Variants in RCOR3 observed in about 807,000 individuals in gnomAD.
RCOR3 encodes REST corepressor 3.
In RCOR3, 13 loss-of-function variants were observed where a neutral mutation model predicts 64.1. That is an observed-to-expected ratio of 0.20 (90% CI 0.13 to 0.32). RCOR3 has a LOEUF of 0.32. Among genes scored for constraint, RCOR3 ranks in the 10% least tolerant of loss-of-function variants. The pLI, the probability that RCOR3 is intolerant of heterozygous loss-of-function variation, is 1.00. For synonymous variants in RCOR3, 215 were observed against 239.0 expected (o/e 0.90, Z 0.93); for missense variants, 489 against 701.2 (o/e 0.70, Z 3.42).
At chr1:211,274,379 T>A in intron 4 of RCOR3, 117 bp downstream of exon 4, 4 of 597,930 alleles carry the variant, frequency 6.7e-6, no homozygotes, top group Non-Finnish European at 1.1e-5. Flanking sequence ...ATTTTATAGA[T>A]ACCACAAAAG....
Position 211,313,597 on chromosome 1 carries a change from T to C in RCOR3, c.1491T>C (p.Ala497=). Residue 497 remains alanine (A), a synonymous_variant, in exon 12 of 12, where the codon GCT becomes GCC. Transcript: ENST00000419091. The surrounding 1 kb of genome is among the most constrained non-coding windows in gnomAD (Gnocchi z 4.7). Reference sequence around the variant, plus strand: ...AGCCTCCTCCACTCCAGCAGCAGGCTCGGTTCATCCAGCCCCGGCCAACTT... The same window carrying C: ...AGCCTCCTCCACTCCAGCAGCAGGCCCGGTTCATCCAGCCCCGGCCAACTT... ...HRQPPPLQQQ[A]RFIQPRPTLN... 1 of 1,614,052 alleles carries C rather than the reference T, an allele frequency of 6.2e-7. No individual in the cohort carries two copies. The highest frequency in any genetic ancestry group is 8.5e-7 in the Non-Finnish European group (1 of 1,180,020).
At chr1:211,274,430 T>C (rs976941984) in intron 4 of RCOR3, among the ~76,000 whole-genome samples, 168 bp downstream of exon 4, 17 of 152,124 alleles carry the variant, frequency 1.1e-4, no homozygotes, top group Admixed American at 4.6e-4. Flanking sequence ...GGAGTTTGCT[T>C]TTATAAACAT....
chr1:211,281,315 TA>T (rs1410953692), intron 7 of RCOR3, among the ~76,000 whole-genome samples: 22 of 152,206 alleles, frequency 1.4e-4, no homozygotes, highest in African/African-American at 5.3e-4. Context: ...CTTTTATCAT[TA>T]TTCTTTTTAA....
At chr1:211,292,275 A>G (rs4951737) in intron 8 of RCOR3, among the ~76,000 whole-genome samples, 145,603 of 152,272 alleles carry the variant, frequency 0.96, 69,680 homozygotes, top group East Asian at 1. Flanking sequence ...CCACTATACC[A>G]CCAACGCATC....
intron 2 of RCOR3, chr1:211,267,895 T>C: frequency 2.7e-6 from 1 of 375,160 alleles, no homozygotes; most frequent in Non-Finnish European, 5.2e-6. Flanking sequence ...ACCCAGCCTG[T>C]AGCTGTTACC....
intron 7 of RCOR3, among the ~76,000 whole-genome samples, chr1:211,281,921 A>G (rs541974307): frequency 6.6e-6 from 1 of 152,170 alleles, no homozygotes; most frequent in South Asian, 2.1e-4. Context: ...TATTTTAACT[A>G]TTTTCCACTC....
chr1:211,294,831 C>T (rs560928201), intron 8 of RCOR3, among the ~76,000 whole-genome samples: 32 of 152,072 alleles, frequency 2.1e-4, no homozygotes, highest in African/African-American at 7.5e-4. Context: ...CCTCGTGATC[C>T]GCCTGCCTTG....
Position 211,314,009 on chromosome 1 carries a change from A to C in RCOR3, c.*241A>C. ...CTAGAGTATATGTTCAGCAATGTTG[A>C]TCTCATAAAAGGAAAAACAAAAGAT... On this transcript the variant is annotated 3_prime_UTR_variant, in exon 12 of 12. Coordinates refer to ENST00000419091, the MANE Select transcript of RCOR3 (RefSeq NM_001136223.3). 1 of 472,914 alleles carries C rather than the reference A, an allele frequency of 2.1e-6. No homozygotes were observed. Among genetic ancestry groups the C allele is most frequent in the African/African-American group, 1.9e-5 (1 of 51,340 alleles). The allele number at this position is 472,914 out of a possible 1,614,324, so 29.3% of individuals were successfully genotyped here.
chr1:211,304,162 ATTG>A (rs1700643073), intron 10 of RCOR3, 22 bp downstream of exon 10: 1 of 1,519,048 alleles, frequency 6.6e-7, no homozygotes, highest in Non-Finnish European at 8.9e-7. Context: ...ATAAGCAGTT[ATTG>A]TTGTTAATAA....
chr1:211,308,661 GTTTT>G (rs780896956), intron 10 of RCOR3, among the ~76,000 whole-genome samples: 16 of 27,492 alleles, frequency 5.8e-4, no homozygotes, highest in African/African-American at 1.4e-3. Context: ...TTTTGGATGT[GTTTT>G]TTTTTTTGTT....
intron 8 of RCOR3, chr1:211,291,563 C>T (rs1364050781): frequency 1.5e-5 from 7 of 455,862 alleles, no homozygotes; most frequent in Middle Eastern, 3.2e-4. Flanking sequence ...GTATCCCCTG[C>T]GGATATGGGA....
rs1319431717 is a variant in RCOR3 at position 211,276,278 on chromosome 1, C to T, written c.376C>T (p.His126Tyr). ...AAAGGCACTTGGCATGTTGTTCTGG[C>T]ATAAACATAACATTGAGAAGTCCCT... ...VEQALGMLFW[H>Y]KHNIEKSLAD... is the part of the protein sequence containing the mutation. The change falls in exon 5 of 12, where the codon CAT becomes TAT. Residue 126 changes from histidine (H) to tyrosine (Y), a missense_variant. This residue lies in a region of RCOR3 where 402 missense variants were observed against 617.0 expected (regional missense o/e 0.65). Coordinates refer to ENST00000419091, the MANE Select transcript of RCOR3 (RefSeq NM_001136223.3). 5 of 1,613,464 alleles carry T rather than the reference C, an allele frequency of 3.1e-6. No individual in the cohort carries two copies. The highest frequency in any genetic ancestry group is 4.2e-6 in the Non-Finnish European group (5 of 1,179,566).
chr1:211,290,810 G>A (rs1409671806), intron 8 of RCOR3, among the ~76,000 whole-genome samples: 1 of 152,162 alleles, frequency 6.6e-6, no homozygotes, highest in Non-Finnish European at 1.5e-5. Flanking sequence ...GCCTTTAGCA[G>A]GTTACAGTAG....
At chr1:211,271,374 T>TA (rs1459368908) in intron 3 of RCOR3, 65 bp downstream of exon 3, 9 of 1,324,312 alleles carry the variant, frequency 6.8e-6, no homozygotes, top group Middle Eastern at 1.9e-4. Context: ...AAATATGACT[T>TA]ACGTTTGTTT....
intron 9 of RCOR3, among the ~76,000 whole-genome samples, chr1:211,300,129 G>A (rs551593123): frequency 7.1e-6 from 1 of 141,218 alleles, no homozygotes; most frequent in African/African-American, 2.6e-5. Flanking sequence ...GGAGTGCAGT[G>A]GCATGATCTC....
At chr1:211,260,081 T>C in intron 1 of RCOR3, 27 bp from the exon 2 acceptor site, 1 of 1,567,988 alleles carries the variant, frequency 6.4e-7, no homozygotes, top group Non-Finnish European at 8.6e-7. Context: ...TTATTTTTTA[T>C]ATATATTTTT....
In RCOR3 at chr1:211,304,145, A is replaced by G. The variant is rs751737379; in HGVS notation, c.1075+5A>G. 5.1e-6 allele frequency: 8 copies of G among 1,569,610 alleles called. No individual in the cohort carries two copies. The highest frequency in any genetic ancestry group is 1.4e-5 in the African/African-American group (1 of 73,050). On this transcript the variant is annotated splice_donor_5th_base_variant and intron_variant, in intron 10 of 11. Coordinates refer to ENST00000419091, the MANE Select transcript of RCOR3 (RefSeq NM_001136223.3). ...AGCAGCTTCTAGCAGTGCAAGGTAT[A>G]TTAAAGATAAGCAGTTATTGTTGTT...
intron 9 of RCOR3, among the ~76,000 whole-genome samples, chr1:211,298,866 G>T (rs549385359): frequency 6.6e-6 from 1 of 152,266 alleles, no homozygotes; most frequent in Admixed American, 6.5e-5. Flanking sequence ...AATTAGCCAG[G>T]CGTGGTGGCG....
chr1:211,286,481 G>A (rs755687603), intron 7 of RCOR3, among the ~76,000 whole-genome samples: 146 of 151,770 alleles, frequency 9.6e-4, no homozygotes, highest in African/African-American at 3.3e-3. Context: ...CTTATTTTTC[G>A]TATTTTTAAT....
Sources: gnomAD v4.1 joint callset for allele counts (sites outside exome capture counted in the v4.1 genomes callset) on GRCh38, gnomAD v4.1.1 for gene constraint, gnomAD v4.1.1 regional missense constraint, Gnocchi (gnomAD v3.1) non-coding constraint, MANE v1.5 for transcripts, NCBI Gene and HGNC (gene_info 2026-07-23, HGNC 2026-07-21) for gene names.